Variants in HECTD4 observed in about 807,000 individuals in gnomAD.
The protein encoded by HECTD4 is HECT domain E3 ubiquitin protein ligase 4, also known as probable E3 ubiquitin-protein ligase HECTD4.
In HECTD4, 114 loss-of-function variants were observed where a neutral mutation model predicts 471.5. That is an observed-to-expected ratio of 0.24 (90% CI 0.21 to 0.28). The LOEUF (loss-of-function observed/expected upper bound fraction) is 0.28, where lower values mean the gene tolerates loss of function less well. Among genes scored for constraint, HECTD4 ranks in the 10% least tolerant of loss-of-function variants. The pLI is 1.00. For synonymous variants in HECTD4, 2,012 were observed against 2,256.0 expected (o/e 0.89, Z 3.07); for missense variants, 3,866 against 5,651.5 (o/e 0.68, Z 10.13).
Position 112,237,062 on chromosome 12 carries a change from C to A in HECTD4, c.5327G>T (p.Arg1776Leu). The change falls in exon 35 of 76, where the codon CGG becomes CTG. Residue 1776 changes from arginine to leucine, a missense_variant. By Grantham distance (102) the Arg-to-Leu change is moderately radical. This residue lies in a region of HECTD4 where 229 missense variants were observed against 386.4 expected (regional missense o/e 0.59). Coordinates refer to ENST00000682272, the MANE Select transcript of HECTD4 (RefSeq NM_001388303.1). ...GTTAGTGAGAAGGCTGGACACCTGCCGGGCCAGACCTGAGTGCACAGCCTC... is the reference window on the plus strand; with the variant it reads ...GTTAGTGAGAAGGCTGGACACCTGCAGGGCCAGACCTGAGTGCACAGCCTC... ...STEAVHSGLA[R>L]QVSSLLTNHL... The A allele has an allele frequency of 1.3e-6, 2 of 1,595,330 alleles. No homozygotes were observed. Among genetic ancestry groups the A allele is most frequent in the Non-Finnish European group, 1.7e-6 (2 of 1,171,536 alleles).
chr12:112,326,239 C>T (rs1166126015), intron 1 of HECTD4, among the ~76,000 whole-genome samples: 2 of 152,126 alleles, frequency 1.3e-5, no homozygotes, highest in Non-Finnish European at 2.9e-5. Context: ...TGATGGCTCA[C>T]GCCTGTAATC....
chr12:112,334,350 C>T (rs2035900063), intron 1 of HECTD4, among the ~76,000 whole-genome samples: 1 of 150,528 alleles, frequency 6.6e-6, no homozygotes. Context: ...AAAACAATCC[C>T]ATCAAAAAGT....
rs751505815 is a variant in HECTD4, at chr12:112,261,349, G to A, written c.2829C>T (p.Val943=). 17 of 1,611,328 alleles carry A rather than the reference G, an allele frequency of 1.1e-5. No individual in the cohort carries two copies. The highest frequency in any genetic ancestry group is 1.7e-5 in the Admixed American group (1 of 59,968). ...TGTCACTATTTATGAGGGCAGTTGT[G>A]ACCTGCTGTAGCATTTCCAACACTT... is the stretch of plus-strand genomic sequence containing the variant. ...CDEVLEMLQQ[V]TTALINSDIA... Residue 943 remains valine, a synonymous_variant, in exon 18 of 76, where the codon GTC becomes GTT. Transcript: ENST00000682272.
At chr12:112,172,065 G>A (rs565425958) in intron 67 of HECTD4, among the ~76,000 whole-genome samples, 4 of 152,222 alleles carry the variant, frequency 2.6e-5, no homozygotes, top group Admixed American at 1.3e-4. Flanking sequence ...CACCACGCCC[G>A]GCTAATTTTG....
At chr12:112,367,821 A>G (rs965822967) in intron 1 of HECTD4, among the ~76,000 whole-genome samples, 2 of 89,028 alleles carry the variant, frequency 2.2e-5, no homozygotes, top group Non-Finnish European at 4.0e-5. Flanking sequence ...ACTCCATCTC[A>G]AAAAAAAAAA....
chr12:112,362,706 AT>A (rs552642665), intron 1 of HECTD4, among the ~76,000 whole-genome samples: 247 of 144,554 alleles, frequency 1.7e-3, no homozygotes, highest in East Asian at 1.6e-3. Flanking sequence ...TAATTCTAAA[AT>A]TTTTTTTTTT....
At chr12:112,372,406 C>G (rs2036696139) in intron 1 of HECTD4, among the ~76,000 whole-genome samples, 1 of 152,036 alleles carries the variant, frequency 6.6e-6, no homozygotes, top group African/African-American at 2.4e-5. Context: ...ACTACAGGTG[C>G]CCGCCACCAT....
At chr12:112,244,061 C>G in intron 29 of HECTD4, 52 bp from the exon 30 acceptor site, 1 of 1,582,814 alleles carries the variant, frequency 6.3e-7, no homozygotes, top group Non-Finnish European at 8.6e-7. Context: ...TGTACAACAG[C>G]CAAATGCAAC....
At chr12:112,202,910 A>C (rs1593925034) in intron 54 of HECTD4, 1 of 152,342 alleles carries the variant, frequency 6.6e-6, no homozygotes, top group East Asian at 1.9e-4. Flanking sequence ...TGAGGCTGAG[A>C]GAATCAGTGA....
chr12:112,235,707 G>A lies in HECTD4; in HGVS notation c.5522C>T (p.Pro1841Leu). 3.1e-6 allele frequency: 5 copies of A among 1,613,980 alleles called. No individual in the cohort carries two copies. Among genetic ancestry groups the A allele is most frequent in the Non-Finnish European group, 4.2e-6 (5 of 1,179,888 alleles). Residue 1841 changes from proline to leucine, a missense_variant, in exon 36 of 76, where the codon CCG (proline) becomes CTG (leucine). Pro to Leu is a moderately conservative substitution (Grantham distance 98, BLOSUM62 -3). Coordinates refer to ENST00000682272, the MANE Select transcript of HECTD4 (RefSeq NM_001388303.1). This position sits in a 1 kb window ranked among gnomAD's most constrained non-coding sequence, Gnocchi z 5.0. ...KLLSLLLDQR[P>L]SPKLVLIILQ... is the part of the protein sequence containing the mutation. The stretch of plus-strand genomic sequence containing the variant: ...AATAATAAGGACTAGCTTTGGAGAC[G>A]GGCGTTGGTCAAGCAGCAGGGAGAG...
intron 1 of HECTD4, among the ~76,000 whole-genome samples, chr12:112,367,345 A>G (rs2036584033): frequency 6.6e-6 from 1 of 150,990 alleles, no homozygotes; most frequent in South Asian, 2.1e-4. Context: ...AAAGAAAGAA[A>G]GAAAACAAAA....
chr12:112,295,810 A>AC (rs111334257), intron 7 of HECTD4, among the ~76,000 whole-genome samples: 2 of 141,812 alleles, frequency 1.4e-5, no homozygotes, highest in African/African-American at 2.7e-5. Flanking sequence ...TTAAAAAAAA[A>AC]ATATATATAT....
chr12:112,255,822 T>C (rs2033995464), intron 21 of HECTD4, among the ~76,000 whole-genome samples: 2 of 152,270 alleles, frequency 1.3e-5, no homozygotes, highest in Middle Eastern at 3.4e-3. Flanking sequence ...GCCACCAGGT[T>C]GGAAACTACT....
chr12:112,164,294 G>C lies in HECTD4; in HGVS notation c.12535-19C>G, dbSNP rs912925960. 4 of 1,604,366 alleles carry C rather than the reference G, an allele frequency of 2.5e-6. No homozygotes were observed. The highest frequency in any genetic ancestry group is 2.7e-5 in the African/African-American group (2 of 74,762). On this transcript the variant is annotated intron_variant, in intron 72 of 75. Transcript: ENST00000682272. ...CATTGATCTGGAGGGTGGAGGCAGAGCGAGGCTCATTATGAGGCCATGGGA... is the reference window on the plus strand; with the variant it reads ...CATTGATCTGGAGGGTGGAGGCAGACCGAGGCTCATTATGAGGCCATGGGA...
At chr12:112,241,052 A>C (rs1171362736) in intron 32 of HECTD4, among the ~76,000 whole-genome samples, 1 of 152,262 alleles carries the variant, frequency 6.6e-6, no homozygotes, top group Non-Finnish European at 1.5e-5. Flanking sequence ...ATATAGCTAC[A>C]GAACCACTAA....
chr12:112,322,914 T>C (rs758490146), intron 1 of HECTD4: 22 of 158,048 alleles, frequency 1.4e-4, no homozygotes, highest in Non-Finnish European at 1.7e-4. Flanking sequence ...CTTCACCCCT[T>C]GGAGAACGAA....
intron 1 of HECTD4, among the ~76,000 whole-genome samples, chr12:112,324,119 CTTTTTTTTA>C (rs1286419708): frequency 8.1e-6 from 1 of 122,744 alleles, no homozygotes; most frequent in Non-Finnish European, 1.7e-5. Flanking sequence ...CTCTTTCTTT[CTTTTTTTTA>C]TTTTTTTTTT....
intron 22 of HECTD4, among the ~76,000 whole-genome samples, chr12:112,253,131 CT>C (rs879792558): frequency 5.4e-4 from 78 of 143,448 alleles, no homozygotes; most frequent in South Asian, 3.8e-3. Context: ...TAATTTCTCT[CT>C]TTTTTTTTTT....
intron 52 of HECTD4, among the ~76,000 whole-genome samples, chr12:112,205,781 T>G (rs538599375): frequency 3.3e-5 from 5 of 151,958 alleles, no homozygotes; most frequent in Non-Finnish European, 7.4e-5. Flanking sequence ...TTAGTAGAGA[T>G]GGGGGTTCAC....
Sources: allele counts gnomAD v4.1 joint callset (sites outside exome capture counted in the v4.1 genomes callset), GRCh38; gene constraint gnomAD v4.1.1; regional missense constraint gnomAD v4.1.1; non-coding constraint Gnocchi (gnomAD v3.1); transcripts MANE v1.5; gene names NCBI Gene and HGNC (gene_info 2026-07-23, HGNC 2026-07-21).